The following SMYD5 variants were observed in gnomAD, a reference collection of about 807,000 sequenced individuals.
SMYD5 encodes protein-lysine N-trimethyltransferase SMYD5.
SMYD5 carries 35 observed loss-of-function variants against 57.4 expected under a neutral mutation model. The observed-to-expected ratio is 0.61, with a 90% CI of 0.47 to 0.81. SMYD5 has a LOEUF of 0.81. Ranked by LOEUF, SMYD5 falls within the 30% of genes least tolerant of loss-of-function variation. The pLI, the probability that SMYD5 is intolerant of heterozygous loss-of-function variation, is 0.00. For synonymous variants in SMYD5, 198 were observed against 189.7 expected, an observed-to-expected ratio of 1.04 and a Z score of -0.36; for missense variants, 471 against 527.9, an observed-to-expected ratio of 0.89 and a Z score of 1.06.
Position 73,223,927 on chromosome 2 carries a change from T to G in SMYD5, c.884-20T>G. 6.2e-7 allele frequency: 1 copy of G among 1,610,686 alleles called. No individual in the cohort carries two copies. Among genetic ancestry groups the G allele is most frequent in the South Asian group, 1.1e-5 (1 of 91,018 alleles). On this transcript the variant is annotated intron_variant, in intron 9 of 12. Transcript: ENST00000389501. ...CTTTAAAAATGGGTAGAATAATGTG[T>G]GTGTATTACTGTCTTACAGCAACTG...
intron 10 of SMYD5, 88 bp from the exon 11 acceptor site, chr2:73,224,778 C>A (rs1024867967): frequency 1.4e-5 from 14 of 1,027,672 alleles, no homozygotes; most frequent in Middle Eastern, 2.2e-4. Flanking sequence ...CAGGGATGAA[C>A]GAGCAAGAAA....
At chr2:73,221,967 C>T (rs1361869950) in intron 6 of SMYD5, 37 bp downstream of exon 6, 3 of 1,284,320 alleles carry the variant, frequency 2.3e-6, no homozygotes, top group Middle Eastern at 1.8e-4. Flanking sequence ...CTTCCCTCCC[C>T]AAATATCCTA....
intron 2 of SMYD5, chr2:73,219,837 A>C (rs751348027): frequency 1.5e-6 from 1 of 663,628 alleles, no homozygotes; most frequent in South Asian, 1.7e-5. Flanking sequence ...GAGGTCCTTG[A>C]GAGGGAGGAG....
At position 73,225,841 on chromosome 2, in the gene SMYD5, G is replaced by A. The variant is rs1208079107; in HGVS notation, c.1152G>A (p.Glu384=). The A allele has an allele frequency of 1.2e-6, 2 of 1,614,218 alleles. No individual in the cohort carries two copies. Among genetic ancestry groups the A allele is most frequent in the Admixed American group, 1.7e-5 (1 of 60,028 alleles). The change falls in exon 13 of 13, where the codon GAG becomes GAA. Residue 384 remains glutamate, a synonymous_variant. Transcript: ENST00000389501. ...GTTCCTGTCCCAAATGCCTGGCAGAGGCTGATGAACCCAATGTGACCTCAG... is the reference window on the plus strand; with the variant it reads ...GTTCCTGTCCCAAATGCCTGGCAGAAGCTGATGAACCCAATGTGACCTCAG... ...FVCSCPKCLA[E]ADEPNVTSEE...
intron 1 of SMYD5, chr2:73,214,565 G>C (rs1686256446): frequency 6.7e-7 from 1 of 1,490,508 alleles, no homozygotes; most frequent in South Asian, 1.3e-5. Context: ...GGCCTCCGGA[G>C]TCTCCGTGCG....
At position 73,218,935 on chromosome 2, in the gene SMYD5, A is replaced by G. The variant is rs1686336346; in HGVS notation, c.171A>G (p.Ala57=). ...TIFVERPLVA[A]QFLWNALYRY... ...TCGTAGAACGGCCCCTGGTGGCTGCACAGTTTCTCTGGAATGCACTTTATC... is the reference window on the plus strand; with the variant it reads ...TCGTAGAACGGCCCCTGGTGGCTGCGCAGTTTCTCTGGAATGCACTTTATC... The change falls in exon 2 of 13, where the codon GCA becomes GCG. Residue 57 remains alanine (A), a synonymous_variant. Transcript: ENST00000389501. The G allele has an allele frequency of 6.2e-7, 1 of 1,613,986 alleles. No homozygotes were observed. Among genetic ancestry groups the G allele is most frequent in the African/African-American group, 1.3e-5 (1 of 74,916 alleles).
chr2:73,220,188 C>A lies in SMYD5; in HGVS notation c.343C>A (p.Gln115Lys), dbSNP rs1344202398. 2 of 1,613,990 alleles carry A rather than the reference C, an allele frequency of 1.2e-6. No individual in the cohort carries two copies. Among genetic ancestry groups the A allele is most frequent in the Non-Finnish European group, 1.7e-6 (2 of 1,179,906 alleles). Residue 115 changes from glutamine to lysine, a missense_variant and splice_region_variant, in exon 3 of 13, where the codon CAA becomes AAA. By Grantham distance (53) the Gln-to-Lys change is moderately conservative. Transcript: ENST00000389501. Reference protein sequence around the residue: ...KDLHQNCPHCQVMYCSAECRL... With the variant: ...KDLHQNCPHCKVMYCSAECRL... ...CCTCCACCAGAACTGTCCCCATTGC[C>A]AAGTGAGTATTCTTGGGGAGTGTAC...
intron 7 of SMYD5, 102 bp from the exon 8 acceptor site, chr2:73,222,934 T>C: frequency 1.4e-6 from 2 of 1,477,556 alleles, no homozygotes; most frequent in South Asian, 2.3e-5. Context: ...TCTTCTGGAG[T>C]TCAGATGAGC....
At chr2:73,222,916 C>T (rs560477721) in intron 7 of SMYD5, 99 bp downstream of exon 7, 14 of 1,495,440 alleles carry the variant, frequency 9.4e-6, no homozygotes, top group South Asian at 5.7e-5. Context: ...GAGCCAAAGC[C>T]GACTTGGTCT....
Position 73,223,030 on chromosome 2 carries a change from C to G in SMYD5, c.706-6C>G. The G allele has an allele frequency of 1.9e-6, 3 of 1,613,442 alleles. No homozygotes were observed. Among genetic ancestry groups the G allele is most frequent in the Non-Finnish European group, 2.5e-6 (3 of 1,179,446 alleles). On this transcript the variant is annotated splice_region_variant and splice_polypyrimidine_tract_variant and intron_variant, in intron 7 of 12. Coordinates refer to ENST00000389501, the MANE Select transcript of SMYD5 (RefSeq NM_006062.3). Reference sequence around the variant, plus strand: ...ATGAGCACTCATCTCTTTTTTCCCCCCACAGTGGTTCACTCCAGATGGATT... The same window carrying G: ...ATGAGCACTCATCTCTTTTTTCCCCGCACAGTGGTTCACTCCAGATGGATT...
rs758727173 is a variant in SMYD5, at chr2:73,218,978, A to G, written c.205+9A>G. 1 of 1,583,414 alleles carries G rather than the reference A, an allele frequency of 6.3e-7. No homozygotes were observed. The highest frequency in any genetic ancestry group is 8.7e-7 in the Non-Finnish European group (1 of 1,151,704). On this transcript the variant is annotated intron_variant, in intron 2 of 12. Coordinates refer to ENST00000389501, the MANE Select transcript of SMYD5 (RefSeq NM_006062.3). ...ACTTTATCGCTACCGAGGTGAGTAC[A>G]TCTCTCCTACTCCTCATGGCCCAGT...
chr2:73,223,455 A>C lies in SMYD5; in HGVS notation c.806A>C (p.Asp269Ala), dbSNP rs751966644. The change falls in exon 9 of 13, where the codon GAC becomes GCC. Residue 269 changes from aspartate (D) to alanine (A), a missense_variant. Coordinates refer to ENST00000389501, the MANE Select transcript of SMYD5 (RefSeq NM_006062.3). ...SSLSQWVHAC[D>A]TLELKPQDRE... ...CTAAGCCAGTGGGTCCATGCCTGTG[A>C]CACTCTGGAGTTGAAGCCTCAGGAC... 1 of 1,614,042 alleles carries C rather than the reference A, an allele frequency of 6.2e-7. No homozygotes were observed. Among genetic ancestry groups the C allele is most frequent in the South Asian group, 1.1e-5 (1 of 91,076 alleles).
At position 73,220,858 on chromosome 2, in the gene SMYD5, G is replaced by A. The variant is rs145758484; in HGVS notation, c.467+76G>A. On this transcript the variant is annotated intron_variant, in intron 4 of 12. Coordinates refer to ENST00000389501, the MANE Select transcript of SMYD5 (RefSeq NM_006062.3). ...CTGCCTGGGCTCATCAGGTGTTGCC[G>A]TCTTTCTTAAGTTCCAATTCCCCGG... 7,762 of 1,538,086 alleles carry A rather than the reference G, an allele frequency of 5.0e-3. 53 individuals are homozygous for A. The highest frequency in any genetic ancestry group is 5.4e-3 in the Non-Finnish European group (6,101 of 1,131,778).
rs1686494913 is a variant in SMYD5 at position 73,225,984 on chromosome 2, G to A, written c.*38G>A. The A allele has an allele frequency of 1.3e-6, 2 of 1,566,812 alleles. No individual in the cohort carries two copies. Among genetic ancestry groups the A allele is most frequent in the East Asian group, 2.3e-5 (1 of 43,062 alleles). On this transcript the variant is annotated 3_prime_UTR_variant, in exon 13 of 13. Transcript: ENST00000389501. Reference sequence around the variant, plus strand: ...CAGAAAGGGCCCTGCCCTAGACCCTGCCAGAAAAGGGGGCTCTTCCCCCAG... The same window carrying A: ...CAGAAAGGGCCCTGCCCTAGACCCTACCAGAAAAGGGGGCTCTTCCCCCAG...
Position 73,218,922 on chromosome 2 carries a change from C to A in SMYD5, c.158C>A (p.Pro53His). Residue 53 changes from proline (P) to histidine (H), a missense_variant, in exon 2 of 13, where the codon CCC (proline) becomes CAC (histidine). Pro to His is a moderately conservative substitution (Grantham distance 77). Coordinates refer to ENST00000389501, the MANE Select transcript of SMYD5 (RefSeq NM_006062.3). ...GGGGAGACCATCTTCGTAGAACGGC[C>A]CCTGGTGGCTGCACAGTTTCTCTGG... ...RKGETIFVER[P>H]LVAAQFLWNA... 6.2e-7 allele frequency: 1 copy of A among 1,614,184 alleles called. No homozygotes were observed. Among genetic ancestry groups the A allele is most frequent in the Non-Finnish European group, 8.5e-7 (1 of 1,180,014 alleles).
At chr2:73,225,179 G>A in intron 11 of SMYD5, 1 of 533,094 alleles carries the variant, frequency 1.9e-6, no homozygotes, top group Non-Finnish European at 3.3e-6. Flanking sequence ...CAGTGTTTGA[G>A]GGACACCTAT....
Position 73,221,252 on chromosome 2 carries a change from T to C in SMYD5, c.537+18T>C. ...TGAAGCAGGTGAGCCCACCCAACCC[T>C]CTCGGGGAAGCTGACTTTGGCCCCA... is the stretch of plus-strand genomic sequence containing the variant. On this transcript the variant is annotated intron_variant, in intron 5 of 12. Coordinates refer to ENST00000389501, the MANE Select transcript of SMYD5 (RefSeq NM_006062.3). The C allele has an allele frequency of 6.2e-7, 1 of 1,610,112 alleles. No individual in the cohort carries two copies. Among genetic ancestry groups the C allele is most frequent in the African/African-American group, 1.3e-5 (1 of 74,876 alleles).
intron 1 of SMYD5, chr2:73,214,638 G>A (rs1258807043): frequency 1.3e-6 from 2 of 1,501,202 alleles, no homozygotes; most frequent in African/African-American, 1.4e-5. Context: ...CTCGGGGCGG[G>A]GCTAGGGGGC....
At chr2:73,219,117 GC>G in intron 2 of SMYD5, 148 bp downstream of exon 2, 1 of 657,422 alleles carries the variant, frequency 1.5e-6, no homozygotes. Flanking sequence ...TGAGAACCAT[GC>G]CTCTGTCCAG....
Sources: allele counts gnomAD v4.1 joint callset, GRCh38; gene constraint gnomAD v4.1.1; transcripts MANE v1.5; gene names NCBI Gene and HGNC (gene_info 2026-07-23, HGNC 2026-07-21).